Variants in PAX5 observed in about 807,000 individuals in gnomAD.
The protein encoded by PAX5 is paired box protein Pax-5.
In PAX5, 9 loss-of-function variants were observed where a neutral mutation model predicts 43.7. The ratio of observed to expected loss-of-function variants is 0.21; its 90% confidence interval spans 0.12 to 0.36. PAX5 has a LOEUF of 0.36. PAX5 is among the 10% of genes least tolerant of loss of function. The pLI is 1.00. For synonymous variants in PAX5, 228 were observed against 214.3 expected (o/e 1.06, Z -0.56); for missense variants, 383 against 532.7 (o/e 0.72, Z 2.77).
At chr9:37,020,098 G>GTT (rs5897671) in intron 2 of PAX5, among the ~76,000 whole-genome samples, 191 of 146,292 alleles carry the variant, frequency 1.3e-3, no homozygotes, top group Middle Eastern at 3.6e-3. Flanking sequence ...TGGTGTTTGG[G>GTT]TTTTTTTTTT....
At chr9:36,908,310 T>C (rs1443858708) in intron 7 of PAX5, among the ~76,000 whole-genome samples, 1 of 152,000 alleles carries the variant, frequency 6.6e-6, no homozygotes, top group African/African-American at 2.4e-5. Flanking sequence ...TGCTTCCCCA[T>C]AAAACCTTCC....
At chr9:36,968,200 C>T (rs960520425) in intron 5 of PAX5, among the ~76,000 whole-genome samples, 2 of 152,208 alleles carry the variant, frequency 1.3e-5, no homozygotes, top group African/African-American at 4.8e-5. Flanking sequence ...CTGAAAGGTG[C>T]CCTTACTCAA....
At chr9:36,848,188 C>T (rs1242967873) in intron 8 of PAX5, among the ~76,000 whole-genome samples, 1 of 152,114 alleles carries the variant, frequency 6.6e-6, no homozygotes, top group Non-Finnish European at 1.5e-5. Context: ...GAACCCGGGA[C>T]CAAGAGCCTG....
intron 6 of PAX5, among the ~76,000 whole-genome samples, chr9:36,936,091 C>G (rs1343285070): frequency 1.3e-5 from 2 of 152,232 alleles, no homozygotes; most frequent in Non-Finnish European, 2.9e-5. Context: ...TTTTCTCCTT[C>G]CCTTAACCAG....
intron 7 of PAX5, among the ~76,000 whole-genome samples, chr9:36,916,949 T>C (rs1482994293): frequency 1.7e-4 from 26 of 152,190 alleles, no homozygotes; most frequent in Non-Finnish European, 4.4e-5. Flanking sequence ...TCTCCCAAAA[T>C]GCTGGGATTA....
chr9:37,027,666 C>T (rs912771873), intron 1 of PAX5, among the ~76,000 whole-genome samples: 1 of 152,216 alleles, frequency 6.6e-6, no homozygotes, highest in Non-Finnish European at 1.5e-5. Context: ...CGCCACCGCG[C>T]CGCCCCGGAG....
At chr9:36,874,042 C>T (rs2131721753) in intron 8 of PAX5, among the ~76,000 whole-genome samples, 1 of 152,304 alleles carries the variant, frequency 6.6e-6, no homozygotes, top group East Asian at 1.9e-4. Context: ...ACAGAGCAGG[C>T]CTGTAGGGCA....
At chr9:37,026,356 C>A (rs1031964483) in intron 1 of PAX5, among the ~76,000 whole-genome samples, 1 of 152,272 alleles carries the variant, frequency 6.6e-6, no homozygotes, top group Non-Finnish European at 1.5e-5. Flanking sequence ...TGCCTCAGCC[C>A]GGGCGGCCAA....
chr9:36,990,709 C>T (rs967151090), intron 5 of PAX5, among the ~76,000 whole-genome samples: 4 of 152,232 alleles, frequency 2.6e-5, no homozygotes, highest in African/African-American at 2.4e-5. Context: ...ATGCAGTGAC[C>T]TTGAGCAAAC....
At chr9:36,883,403 G>T (rs1385212431) in intron 7 of PAX5, among the ~76,000 whole-genome samples, 1 of 152,134 alleles carries the variant, frequency 6.6e-6, no homozygotes, top group African/African-American at 2.4e-5. Flanking sequence ...ATGAATTAGG[G>T]GCAGGCTGTG....
intron 6 of PAX5, among the ~76,000 whole-genome samples, chr9:36,954,610 T>C (rs1026754537): frequency 2.6e-5 from 4 of 152,252 alleles, no homozygotes; most frequent in Non-Finnish European, 5.9e-5. Context: ...AATGTTGTAC[T>C]TTCTCTCTGG....
intron 6 of PAX5, among the ~76,000 whole-genome samples, chr9:36,934,876 C>T (rs1275765404): frequency 6.6e-6 from 1 of 152,202 alleles, no homozygotes; most frequent in East Asian, 1.9e-4. Flanking sequence ...CAGCTCTGAA[C>T]AGATGTGACA....
At chr9:37,021,334 C>T (rs1448213296) in intron 1 of PAX5, among the ~76,000 whole-genome samples, 1 of 152,062 alleles carries the variant, frequency 6.6e-6, no homozygotes, top group African/African-American at 2.4e-5. Context: ...AAAAATTTAA[C>T]AGCACCTGCA....
At chr9:36,974,062 C>A (rs1028961169) in intron 5 of PAX5, among the ~76,000 whole-genome samples, 3 of 151,996 alleles carry the variant, frequency 2.0e-5, no homozygotes, top group African/African-American at 7.3e-5. Context: ...GGCCTGTAGT[C>A]CCAGCTACTT....
rs1397579712 is a variant in PAX5 at position 36,923,467 on chromosome 9, G to A, written c.798C>T (p.Ala266=). The A allele has an allele frequency of 5.0e-6, 8 of 1,610,918 alleles. No individual in the cohort carries two copies. The Admixed American group carries it at 1.3e-4, about 27-fold the overall frequency. Residue 266 remains alanine (A), a synonymous_variant, in exon 7 of 10, where the codon GCC becomes GCT. Coordinates refer to ENST00000358127, the MANE Select transcript of PAX5 (RefSeq NM_016734.3). The stretch of plus-strand genomic sequence containing the variant: ...CCAGCCCACCAGCCAGCGAGGCCAT[G>A]GCTGAATACTCTGTGGTCTGAAAGA... The part of the protein sequence containing the change: ...IKPEQTTEYS[A]MASLAGGLDD...
intron 8 of PAX5, among the ~76,000 whole-genome samples, chr9:36,854,189 T>C (rs1823423365): frequency 6.6e-6 from 1 of 152,228 alleles, no homozygotes; most frequent in Admixed American, 6.5e-5. Context: ...TTTGCAGAAC[T>C]GCATGAAATG....
At chr9:36,851,945 G>T (rs948271732) in intron 8 of PAX5, among the ~76,000 whole-genome samples, 1 of 152,196 alleles carries the variant, frequency 6.6e-6, no homozygotes, top group African/African-American at 2.4e-5. Flanking sequence ...ACAGAAAATG[G>T]CCTTTGAAGT....
At chr9:36,853,381 C>G (rs1389954484) in intron 8 of PAX5, among the ~76,000 whole-genome samples, 2 of 152,110 alleles carry the variant, frequency 1.3e-5, no homozygotes, top group East Asian at 1.9e-4. Flanking sequence ...AGAAAATTCT[C>G]TCATACTGAA....
intron 3 of PAX5, among the ~76,000 whole-genome samples, chr9:37,011,162 A>G (rs1404736261): frequency 2.0e-5 from 3 of 151,588 alleles, no homozygotes; most frequent in Non-Finnish European, 4.4e-5. Flanking sequence ...GAGGAAATGG[A>G]TAAACAATCT....
Sources: allele counts gnomAD v4.1 joint callset (sites outside exome capture counted in the v4.1 genomes callset), GRCh38; gene constraint gnomAD v4.1.1; transcripts MANE v1.5; gene names NCBI Gene and HGNC (gene_info 2026-07-23, HGNC 2026-07-21).